The following EXOC6B variants were observed in gnomAD, a reference collection of about 807,000 sequenced individuals.
EXOC6B encodes the protein exocyst complex component 6B.
Under a neutral mutation model 113.5 loss-of-function variants are expected in EXOC6B, and 54 were observed. The observed-to-expected ratio is 0.48, with a 90% CI of 0.38 to 0.60. EXOC6B has a LOEUF of 0.60. Among genes scored for constraint, EXOC6B ranks in the 20% least tolerant of loss-of-function variants. The pLI, the probability that EXOC6B is intolerant of heterozygous loss-of-function variation, is 0.00. For missense variants in EXOC6B, 797 were observed against 977.5 expected (o/e 0.82, Z 2.46); for synonymous variants, 357 against 339.0 (o/e 1.05, Z -0.58).
chr2:72,318,723 CA>C lies in EXOC6B; in HGVS notation c.2196+16223del, dbSNP rs1331271651. On this transcript the variant is annotated intron_variant, in intron 20 of 21. Coordinates refer to ENST00000272427, the MANE Select transcript of EXOC6B (RefSeq NM_015189.3). ...CAGTAAGGTTAAATTAGATATGCAT[CA>C]AATCAGATTGCAAAATACCTTCCAT... Among the ~76,000 whole-genome samples the C allele has an allele frequency of 3.9e-5, 6 of 152,168 alleles. No individual in the cohort carries two copies. In the East Asian group the frequency reaches 1.2e-3, roughly 29 times the overall value.
intron 20 of EXOC6B, among the ~76,000 whole-genome samples, chr2:72,308,451 A>G (rs1318763047): frequency 1.3e-5 from 2 of 152,240 alleles, no homozygotes; most frequent in Admixed American, 1.3e-4. Context: ...ATAAGAAGGA[A>G]TACGTTAAGC....
chr2:72,571,771 T>C (rs1048561771), intron 7 of EXOC6B, among the ~76,000 whole-genome samples: 11 of 152,212 alleles, frequency 7.2e-5, no homozygotes, highest in Non-Finnish European at 1.2e-4. Context: ...CCATTTCTAG[T>C]ACAAACTTTA....
chr2:72,349,587 T>C (rs749144034), intron 19 of EXOC6B, among the ~76,000 whole-genome samples: 1 of 152,128 alleles, frequency 6.6e-6, no homozygotes, highest in African/African-American at 2.4e-5. Context: ...AGTTTCCTGA[T>C]TGGTGAAAAC....
At chr2:72,347,701 C>T (rs988716743) in intron 19 of EXOC6B, among the ~76,000 whole-genome samples, 9 of 152,020 alleles carry the variant, frequency 5.9e-5, no homozygotes, top group Admixed American at 3.3e-4. Context: ...CTTTCAAAAT[C>T]CAGTATGTAC....
intron 20 of EXOC6B, among the ~76,000 whole-genome samples, chr2:72,245,179 A>G (rs1046155003): frequency 6.6e-6 from 1 of 152,206 alleles, no homozygotes; most frequent in Admixed American, 6.6e-5. Flanking sequence ...TATAGCCAAC[A>G]TATTACTGAA....
chr2:72,698,730 T>C (rs1251807295), intron 6 of EXOC6B, among the ~76,000 whole-genome samples: 2 of 152,246 alleles, frequency 1.3e-5, no homozygotes, highest in African/African-American at 4.8e-5. Flanking sequence ...ATTTATTCTC[T>C]GACACCAATC....
At chr2:72,328,212 G>A (rs904877056) in intron 20 of EXOC6B, among the ~76,000 whole-genome samples, 3 of 152,188 alleles carry the variant, frequency 2.0e-5, no homozygotes, top group African/African-American at 7.2e-5. Flanking sequence ...TTAGCAAAAC[G>A]ACCAGAAAAC....
At chr2:72,240,246 T>C (rs545123617) in intron 20 of EXOC6B, among the ~76,000 whole-genome samples, 2 of 152,348 alleles carry the variant, frequency 1.3e-5, no homozygotes, top group African/African-American at 2.4e-5. Context: ...GATATCCCTG[T>C]CTTGTTCCAG....
chr2:72,511,426 A>G (rs1198053840), intron 11 of EXOC6B, among the ~76,000 whole-genome samples: 1 of 152,132 alleles, frequency 6.6e-6, no homozygotes, highest in African/African-American at 2.4e-5. Context: ...AGAAAGTACA[A>G]TTAATCTTAC....
intron 18 of EXOC6B, among the ~76,000 whole-genome samples, chr2:72,439,520 C>G (rs1435410321): frequency 1.3e-5 from 2 of 152,128 alleles, no homozygotes; most frequent in Non-Finnish European, 2.9e-5. Context: ...GTTATTAATA[C>G]TTGTGACTGC....
chr2:72,803,864 G>C (rs1339289577), intron 1 of EXOC6B, among the ~76,000 whole-genome samples: 1 of 152,158 alleles, frequency 6.6e-6, no homozygotes, highest in Non-Finnish European at 1.5e-5. Context: ...CACAACCTTA[G>C]ATATGGTACA....
At chr2:72,477,148 G>T (rs1698801792) in intron 17 of EXOC6B, among the ~76,000 whole-genome samples, 1 of 152,110 alleles carries the variant, frequency 6.6e-6, no homozygotes, top group Admixed American at 6.5e-5. Flanking sequence ...TTACACTGGT[G>T]AACTCTAAAT....
intron 5 of EXOC6B, among the ~76,000 whole-genome samples, chr2:72,727,950 G>A (rs910431552): frequency 2.0e-5 from 3 of 152,070 alleles, no homozygotes; most frequent in African/African-American, 4.8e-5. Flanking sequence ...GGAAGTAGAT[G>A]AGAGAAAACC....
At chr2:72,759,622 C>T (rs188543551) in intron 1 of EXOC6B, among the ~76,000 whole-genome samples, 2 of 152,144 alleles carry the variant, frequency 1.3e-5, no homozygotes, top group Admixed American at 1.3e-4. Flanking sequence ...AAAAAATCCA[C>T]GTGGGAAAGG....
intron 1 of EXOC6B, among the ~76,000 whole-genome samples, chr2:72,784,118 T>C (rs765892215): frequency 1.4e-4 from 21 of 152,238 alleles, no homozygotes; most frequent in Non-Finnish European, 2.5e-4. Flanking sequence ...CCCCAATGTA[T>C]GCTTTGGGTG....
At chr2:72,615,978 A>G (rs1159158743) in intron 6 of EXOC6B, among the ~76,000 whole-genome samples, 1 of 152,166 alleles carries the variant, frequency 6.6e-6, no homozygotes, top group African/African-American at 2.4e-5. Context: ...AAATTTTTCA[A>G]TGTAAACCAA....
chr2:72,621,601 G>A (rs761882499), intron 6 of EXOC6B, among the ~76,000 whole-genome samples: 11 of 151,990 alleles, frequency 7.2e-5, no homozygotes, highest in Admixed American at 2.0e-4. Flanking sequence ...AAATCTATAC[G>A]TATCCCCTGT....
intron 5 of EXOC6B, among the ~76,000 whole-genome samples, chr2:72,726,531 A>T (rs1024667077): frequency 2.6e-5 from 4 of 152,330 alleles, no homozygotes; most frequent in African/African-American, 9.6e-5. Context: ...ATCTACATTT[A>T]AAATAATGTG....
At chr2:72,470,017 G>C (rs1036697194) in intron 17 of EXOC6B, among the ~76,000 whole-genome samples, 15 of 151,810 alleles carry the variant, frequency 9.9e-5, no homozygotes, top group African/African-American at 2.4e-5. Context: ...TCATTTATTT[G>C]TATGTACTTT....
Sources: allele counts gnomAD v4.1 joint callset (sites outside exome capture counted in the v4.1 genomes callset), GRCh38; gene constraint gnomAD v4.1.1; transcripts MANE v1.5; gene names NCBI Gene and HGNC (gene_info 2026-07-23, HGNC 2026-07-21).